The following SEMA3C variants were observed in gnomAD, a reference collection of about 807,000 sequenced individuals.
SEMA3C encodes the protein semaphorin-3C.
A neutral mutation model predicts 89.4 loss-of-function variants in SEMA3C; 47 were observed. The ratio of observed to expected loss-of-function variants is 0.53; its 90% CI spans 0.42 to 0.67. The LOEUF (loss-of-function observed/expected upper bound fraction) is 0.67, where lower values mean the gene tolerates loss of function less well. Ranked by LOEUF, SEMA3C falls within the 30% of genes least tolerant of loss-of-function variation. SEMA3C has a pLI of 0.00. For missense variants in SEMA3C, 839 were observed against 929.1 expected, an observed-to-expected ratio of 0.90 and a Z score of 1.26; for synonymous variants, 310 against 320.2, an observed-to-expected ratio of 0.97 and a Z score of 0.34.
intron 2 of SEMA3C, among the ~76,000 whole-genome samples, chr7:80,866,283 C>T (rs914131242): frequency 6.6e-6 from 1 of 152,030 alleles, no homozygotes; most frequent in Non-Finnish European, 1.5e-5. Flanking sequence ...GACAAACTAT[C>T]TTCTGAGGGG....
intron 7 of SEMA3C, 78 bp from the exon 8 acceptor site, chr7:80,804,326 GA>G: frequency 1.0e-6 from 1 of 983,824 alleles, no homozygotes; most frequent in Non-Finnish European, 1.4e-6. Context: ...ACCACAGGCA[GA>G]TGCCTTCCCC....
intron 11 of SEMA3C, among the ~76,000 whole-genome samples, chr7:80,791,892 C>T (rs941124129): frequency 6.6e-6 from 1 of 152,196 alleles, no homozygotes; most frequent in Non-Finnish European, 1.5e-5. Flanking sequence ...TATTATCTCA[C>T]TCATTTAGAC....
chr7:80,809,255 A>G (rs1244622280), intron 6 of SEMA3C, among the ~76,000 whole-genome samples: 3 of 152,174 alleles, frequency 2.0e-5, no homozygotes, highest in Non-Finnish European at 2.9e-5. Flanking sequence ...TAGCTTTATT[A>G]CCATCTCCTT....
chr7:80,857,217 T>C (rs1400024326), intron 2 of SEMA3C, among the ~76,000 whole-genome samples: 1 of 152,154 alleles, frequency 6.6e-6, no homozygotes, highest in African/African-American at 2.4e-5. Context: ...AATTCATGAT[T>C]TGCACAATTT....
intron 4 of SEMA3C, among the ~76,000 whole-genome samples, chr7:80,822,698 AT>A (rs1789783282): frequency 6.6e-6 from 1 of 152,206 alleles, no homozygotes; most frequent in Admixed American, 6.6e-5. Context: ...TGGCCTCTGG[AT>A]GCTTCAATCT....
intron 4 of SEMA3C, among the ~76,000 whole-genome samples, chr7:80,824,152 CTGTTT>C (rs1278378843): frequency 6.6e-6 from 1 of 152,084 alleles, no homozygotes; most frequent in Non-Finnish European, 1.5e-5. Context: ...ATGCTTAACT[CTGTTT>C]TATTTTTGCT....
chr7:80,747,202 A>G (rs945314143), intron 17 of SEMA3C, among the ~76,000 whole-genome samples: 1 of 152,090 alleles, frequency 6.6e-6, no homozygotes, highest in South Asian at 2.1e-4. Context: ...GATTGGAAAA[A>G]AAGTCAAAAT....
intron 2 of SEMA3C, among the ~76,000 whole-genome samples, chr7:80,838,971 A>C (rs1366030977): frequency 1.3e-5 from 2 of 151,896 alleles, no homozygotes; most frequent in Admixed American, 1.3e-4. Flanking sequence ...ATTCAATTAA[A>C]TAGAGAATTC....
intron 2 of SEMA3C, among the ~76,000 whole-genome samples, chr7:80,852,669 G>A (rs1432403070): frequency 4.7e-5 from 7 of 148,658 alleles, no homozygotes; most frequent in African/African-American, 1.8e-4. Context: ...GAGCAAAGCT[G>A]AATAGACATT....
intron 2 of SEMA3C, among the ~76,000 whole-genome samples, chr7:80,888,798 G>T (rs1180676654): frequency 6.6e-6 from 1 of 151,930 alleles, no homozygotes; most frequent in African/African-American, 2.4e-5. Context: ...TAAGAAGATG[G>T]TATATTTTAT....
At chr7:80,811,171 T>G (rs538373706) in intron 5 of SEMA3C, among the ~76,000 whole-genome samples, 1 of 152,278 alleles carries the variant, frequency 6.6e-6, no homozygotes, top group African/African-American at 2.4e-5. Context: ...TTCAACAAAA[T>G]AATTCATAAT....
At chr7:80,915,357 G>A (rs1246705343) in intron 2 of SEMA3C, among the ~76,000 whole-genome samples, 1 of 152,174 alleles carries the variant, frequency 6.6e-6, no homozygotes, top group African/African-American at 2.4e-5. Context: ...CACATTCTAA[G>A]TTCCAAATAT....
intron 2 of SEMA3C, among the ~76,000 whole-genome samples, chr7:80,865,478 T>C (rs1002972888): frequency 1.6e-4 from 24 of 152,266 alleles, no homozygotes; most frequent in African/African-American, 1.9e-4. Context: ...TTCTCAATCA[T>C]CTTTCCATCT....
At chr7:80,869,811 C>T (rs376966253) in intron 2 of SEMA3C, among the ~76,000 whole-genome samples, 1 of 152,046 alleles carries the variant, frequency 6.6e-6, no homozygotes, top group Non-Finnish European at 1.5e-5. Flanking sequence ...ATTCCTCAAA[C>T]CAAAAAGGGC....
At chr7:80,766,042 G>C (rs1788294676) in intron 12 of SEMA3C, among the ~76,000 whole-genome samples, 1 of 152,240 alleles carries the variant, frequency 6.6e-6, no homozygotes, top group East Asian at 1.9e-4. Flanking sequence ...ACTAGGATTG[G>C]AAAATTCACA....
intron 2 of SEMA3C, among the ~76,000 whole-genome samples, chr7:80,876,329 A>G (rs1223163450): frequency 2.0e-5 from 3 of 152,172 alleles, no homozygotes; most frequent in African/African-American, 7.2e-5. Context: ...TAAGTATTTC[A>G]GTATGGTGCC....
intron 11 of SEMA3C, among the ~76,000 whole-genome samples, chr7:80,789,933 A>C (rs1177914119): frequency 6.6e-6 from 1 of 152,154 alleles, no homozygotes; most frequent in East Asian, 1.9e-4. Flanking sequence ...AAATTCAGTC[A>C]AACTCTGACA....
chr7:80,922,207 C>A, upstream of SEMA3C: 1 of 1,259,186 alleles, frequency 7.9e-7, no homozygotes. Context: ...AAGAGAAACT[C>A]AAGCGTGATT....
chr7:80,843,125 T>C (rs1056726191), intron 2 of SEMA3C, among the ~76,000 whole-genome samples: 1 of 152,110 alleles, frequency 6.6e-6, no homozygotes, highest in African/African-American at 2.4e-5. Flanking sequence ...TAATAAGTTC[T>C]AATGCTCTAT....
Sources: allele counts gnomAD v4.1 joint callset (sites outside exome capture counted in the v4.1 genomes callset), GRCh38; gene constraint gnomAD v4.1.1; transcripts MANE v1.5; gene names NCBI Gene and HGNC (gene_info 2026-07-23, HGNC 2026-07-21).